STAG1: variants seen among roughly 807,000 people sequenced by gnomAD.
STAG1 encodes the protein STAG1 cohesin complex component.
A neutral mutation model predicts 170.9 loss-of-function variants in STAG1; 26 were observed. The ratio of observed to expected loss-of-function variants is 0.15; its 90% CI spans 0.11 to 0.21. STAG1 has a LOEUF of 0.21. Among genes scored for constraint, STAG1 ranks in the 10% least tolerant of loss-of-function variants. STAG1 has a pLI of 1.00. For synonymous variants in STAG1, 514 were observed against 497.7 expected, an observed-to-expected ratio of 1.03 and a Z score of -0.44; for missense variants, 964 against 1,509.5, an observed-to-expected ratio of 0.64 and a Z score of 5.99.
rs1021076032 is a variant in STAG1, at chr3:136,699,274, G to A, written c.-84+52921C>T. On this transcript the variant is annotated intron_variant, in intron 1 of 33. Transcript: ENST00000383202. ...TCTCAATAGCCTACTTAATTTTATA[G>A]GAAGAAAATGTCTTTGCTGAGACCA... is the stretch of plus-strand genomic sequence containing the variant. Among the ~76,000 whole-genome samples the A allele has an allele frequency of 3.9e-5, 6 of 152,084 alleles. No individual in the cohort carries two copies. The East Asian group carries it at 1.2e-3, about 29-fold the overall frequency.
chr3:136,531,104 T>C (rs1289048293), intron 6 of STAG1, among the ~76,000 whole-genome samples: 3 of 151,988 alleles, frequency 2.0e-5, no homozygotes, highest in Non-Finnish European at 4.4e-5. Context: ...AACTCTGTCT[T>C]GAACAGACAC....
intron 3 of STAG1, among the ~76,000 whole-genome samples, chr3:136,613,742 C>A (rs1003443125): frequency 5.3e-5 from 8 of 152,180 alleles, no homozygotes; most frequent in Admixed American, 4.6e-4. Context: ...CCCGCCTTGG[C>A]TTCCCAAAGT....
chr3:136,623,284 A>G (rs749154018), intron 2 of STAG1, 36 bp from the exon 3 acceptor site: 13 of 1,578,318 alleles, frequency 8.2e-6, no homozygotes, highest in South Asian at 1.1e-5. Context: ...GAACAAATTA[A>G]TAAGTATAAT....
At chr3:136,381,152 G>A (rs1018373674) in intron 22 of STAG1, among the ~76,000 whole-genome samples, 3 of 151,956 alleles carry the variant, frequency 2.0e-5, no homozygotes, top group Non-Finnish European at 2.9e-5. Context: ...AGGCAGCTGC[G>A]TATGTGAGTT....
chr3:136,488,909 A>G (rs2090069132), intron 9 of STAG1, among the ~76,000 whole-genome samples: 1 of 152,212 alleles, frequency 6.6e-6, no homozygotes, highest in African/African-American at 2.4e-5. Flanking sequence ...TCTATTTCCA[A>G]TAGCCTCACC....
chr3:136,344,701 C>G (rs1016558107), intron 29 of STAG1, among the ~76,000 whole-genome samples: 1 of 152,020 alleles, frequency 6.6e-6, no homozygotes, highest in African/African-American at 2.4e-5. Flanking sequence ...GCAACCTCCG[C>G]CTCCCAGGTT....
chr3:136,674,459 T>C (rs1281919282), intron 1 of STAG1, among the ~76,000 whole-genome samples: 2 of 152,146 alleles, frequency 1.3e-5, no homozygotes, highest in African/African-American at 4.8e-5. Context: ...GTCACTTATA[T>C]AGTGATAGAA....
At chr3:136,339,512 ACTCCAT>A (rs1189652397) in intron 32 of STAG1, among the ~76,000 whole-genome samples, 3 of 152,124 alleles carry the variant, frequency 2.0e-5, no homozygotes, top group African/African-American at 7.2e-5. Flanking sequence ...ACAGAGCGAG[ACTCCAT>A]CTCTAAATAA....
chr3:136,651,274 G>C lies in STAG1; in HGVS notation c.-83-20293C>G, dbSNP rs150179372. 3.1e-3 allele frequency among the ~76,000 whole-genome samples: 468 copies of C among 151,662 alleles called. 2 individuals are homozygous for C. Among genetic ancestry groups the C allele is most frequent in the Non-Finnish European group, 4.9e-3 (330 of 67,936 alleles). ...CCTGATACTTCAGAGGCTGAGGTGG[G>C]AGGACTGCTTGAGCCCGGGAAGTCA... On this transcript the variant is annotated intron_variant, in intron 1 of 33. Transcript: ENST00000383202.
intron 1 of STAG1, among the ~76,000 whole-genome samples, chr3:136,651,166 A>G (rs544165888): frequency 3.9e-5 from 6 of 152,234 alleles, no homozygotes; most frequent in Admixed American, 3.9e-4. Context: ...GGAGTTCAAG[A>G]CCAGCATGGG....
intron 3 of STAG1, among the ~76,000 whole-genome samples, chr3:136,619,756 CAA>C (rs62857261): frequency 4.4e-5 from 3 of 67,744 alleles, no homozygotes; most frequent in South Asian, 6.4e-4. Flanking sequence ...GACTCTGTCT[CAA>C]AAAAAAAAAA....
At chr3:136,619,484 G>A (rs1333909932) in intron 3 of STAG1, among the ~76,000 whole-genome samples, 1 of 151,940 alleles carries the variant, frequency 6.6e-6, no homozygotes, top group African/African-American at 2.4e-5. Context: ...TAGGCCTGGC[G>A]TGGTGGCTCA....
At chr3:136,717,622 C>T (rs796233312) in intron 1 of STAG1, among the ~76,000 whole-genome samples, 1 of 152,096 alleles carries the variant, frequency 6.6e-6, no homozygotes, top group South Asian at 2.1e-4. Flanking sequence ...GGAGATCGTG[C>T]CATTGCACTC....
intron 1 of STAG1, among the ~76,000 whole-genome samples, chr3:136,704,352 T>C (rs1351380266): frequency 6.6e-6 from 1 of 151,848 alleles, no homozygotes; most frequent in Non-Finnish European, 1.5e-5. Context: ...AGCCCAGGCA[T>C]GATTTTTTTA....
chr3:136,615,635 G>A (rs1374657030), intron 3 of STAG1, among the ~76,000 whole-genome samples: 16 of 151,102 alleles, frequency 1.1e-4, no homozygotes, highest in East Asian at 9.9e-4. Flanking sequence ...AAAATTATCC[G>A]GGCGTGATGG....
At chr3:136,685,869 C>A (rs951418785) in intron 1 of STAG1, among the ~76,000 whole-genome samples, 18 of 152,108 alleles carry the variant, frequency 1.2e-4, no homozygotes, top group Non-Finnish European at 2.9e-5. Context: ...ACCAGAAGTG[C>A]AACTTGGAAC....
At chr3:136,613,553 C>A (rs1189293847) in intron 3 of STAG1, among the ~76,000 whole-genome samples, 1 of 152,136 alleles carries the variant, frequency 6.6e-6, no homozygotes, top group Non-Finnish European at 1.5e-5. Flanking sequence ...ATGATGCAAT[C>A]TCAGCTCACT....
intron 1 of STAG1, among the ~76,000 whole-genome samples, chr3:136,652,247 A>G (rs1472927504): frequency 6.6e-6 from 1 of 152,202 alleles, no homozygotes; most frequent in Non-Finnish European, 1.5e-5. Context: ...AGACAAATAT[A>G]CTCACAGAGG....
Position 136,421,134 on chromosome 3 carries a change from G to A in STAG1, c.2067C>T (p.Tyr689=), listed in dbSNP as rs2087943355. The change falls in exon 20 of 34, where the codon TAC becomes TAT. Residue 689 remains tyrosine, a synonymous_variant. Transcript: ENST00000383202. ...EGEEADDDDI[Y]NVLSTLKRLT... is the part of the protein sequence containing the mutation. ...ACCGCTTTAATGTAGAAAGAACATT[G>A]TAAATGTCATCATCATCAGCTTCTT... 2 of 1,606,568 alleles carry A rather than the reference G, an allele frequency of 1.2e-6. No homozygotes were observed. Among genetic ancestry groups the A allele is most frequent in the East Asian group, 4.5e-5 (2 of 44,666 alleles).
Sources: allele counts gnomAD v4.1 joint callset (sites outside exome capture counted in the v4.1 genomes callset), GRCh38; gene constraint gnomAD v4.1.1; transcripts MANE v1.5; gene names NCBI Gene and HGNC (gene_info 2026-07-23, HGNC 2026-07-21).